SMYD3: variants seen among roughly 807,000 people sequenced by gnomAD.
SMYD3 encodes SET and MYND domain containing 3.
Under a neutral mutation model 57.7 loss-of-function variants are expected in SMYD3, and 36 were observed. That is an observed-to-expected ratio of 0.62 (90% CI 0.48 to 0.82). The LOEUF is 0.82. Among genes scored for constraint, SMYD3 ranks in the 40% least tolerant of loss-of-function variants. The probability of loss-of-function intolerance (pLI) is 0.00; values close to 1 mark genes in which losing one functional copy is unlikely to be tolerated. For synonymous variants in SMYD3, 211 were observed against 195.0 expected, an observed-to-expected ratio of 1.08 and a Z score of -0.68; for missense variants, 515 against 538.8, an observed-to-expected ratio of 0.96 and a Z score of 0.44.
intron 1 of SMYD3, among the ~76,000 whole-genome samples, chr1:246,400,839 C>A (rs1319283532): frequency 3.3e-5 from 5 of 151,816 alleles, no homozygotes; most frequent in East Asian, 3.9e-4. Flanking sequence ...AAAAAAAAAA[C>A]CACTATGAAT....
At chr1:246,201,351 C>T (rs12089534) in intron 5 of SMYD3, among the ~76,000 whole-genome samples, 19,406 of 152,134 alleles carry the variant, frequency 0.13, 3,214 homozygotes, top group African/African-American at 0.38. Context: ...AGCGCAAGCC[C>T]AGCACTTTTC....
chr1:246,043,489 A>G (rs1257367572), intron 5 of SMYD3, among the ~76,000 whole-genome samples: 1 of 152,248 alleles, frequency 6.6e-6, no homozygotes, highest in Non-Finnish European at 1.5e-5. Context: ...TTTTAAGATG[A>G]GGAATGGCTG....
intron 1 of SMYD3, among the ~76,000 whole-genome samples, chr1:246,375,068 G>A (rs944539814): frequency 6.6e-6 from 1 of 152,014 alleles, no homozygotes; most frequent in African/African-American, 2.4e-5. Flanking sequence ...ACTCCAGCCT[G>A]GGCAACAGAG....
chr1:245,941,698 T>C (rs6676642), intron 5 of SMYD3, among the ~76,000 whole-genome samples: 81,768 of 151,546 alleles, frequency 0.54, 27,191 homozygotes, highest in Non-Finnish European at 0.76. Flanking sequence ...TTTTTTTGTA[T>C]TTTTAGTAGA....
chr1:246,306,315 C>G (rs918833181), intron 5 of SMYD3, among the ~76,000 whole-genome samples: 1 of 152,008 alleles, frequency 6.6e-6, no homozygotes, highest in Admixed American at 6.6e-5. Flanking sequence ...CCACTGCACT[C>G]CAGCATGGGT....
At chr1:246,386,335 A>G (rs1024605420) in intron 1 of SMYD3, among the ~76,000 whole-genome samples, 1 of 152,200 alleles carries the variant, frequency 6.6e-6, no homozygotes, top group African/African-American at 2.4e-5. Context: ...AACTTGCTAT[A>G]GAGATTGTGT....
At chr1:246,092,390 G>A (rs2060838578) in intron 5 of SMYD3, among the ~76,000 whole-genome samples, 1 of 152,136 alleles carries the variant, frequency 6.6e-6, no homozygotes, top group African/African-American at 2.4e-5. Context: ...ATTAAAAAAT[G>A]TCACGCTTCT....
chr1:246,013,327 G>T (rs4654078), intron 5 of SMYD3, among the ~76,000 whole-genome samples: 3 of 151,836 alleles, frequency 2.0e-5, no homozygotes, highest in African/African-American at 4.8e-5. Flanking sequence ...TTACAGGCAC[G>T]TGCCACCATG....
intron 2 of SMYD3, among the ~76,000 whole-genome samples, chr1:246,345,338 C>T (rs2065695813): frequency 6.6e-6 from 1 of 152,070 alleles, no homozygotes; most frequent in Non-Finnish European, 1.5e-5. Flanking sequence ...ATTATGTTGG[C>T]ACCTTTGTTG....
At chr1:246,389,924 G>A (rs1295728786) in intron 1 of SMYD3, among the ~76,000 whole-genome samples, 5 of 152,126 alleles carry the variant, frequency 3.3e-5, no homozygotes, top group Admixed American at 6.5e-5. Context: ...CTCAGCTGCC[G>A]TGGTGAAAAC....
At chr1:246,378,328 G>T (rs962103350) in intron 1 of SMYD3, among the ~76,000 whole-genome samples, 8 of 152,040 alleles carry the variant, frequency 5.3e-5, no homozygotes, top group African/African-American at 1.9e-4. Context: ...TGTCTGTGAG[G>T]GTGTTGCCAA....
At chr1:245,863,013 G>A (rs545770664) in intron 9 of SMYD3, among the ~76,000 whole-genome samples, 16 of 152,194 alleles carry the variant, frequency 1.1e-4, no homozygotes, top group Middle Eastern at 6.8e-3. Context: ...AAATAGCATC[G>A]TCAGCAAATT....
At chr1:246,105,360 T>C (rs1321464859) in intron 5 of SMYD3, among the ~76,000 whole-genome samples, 2 of 136,718 alleles carry the variant, frequency 1.5e-5, no homozygotes, top group Non-Finnish European at 3.0e-5. Flanking sequence ...ATTAGGGTCA[T>C]GTTTTATTTC....
intron 8 of SMYD3, among the ~76,000 whole-genome samples, chr1:245,879,210 C>T (rs191734147): frequency 7.2e-5 from 11 of 152,330 alleles, no homozygotes; most frequent in Admixed American, 5.9e-4. Context: ...ACAAGGTTCA[C>T]GTTCTAGAAC....
chr1:246,495,300 G>C (rs369389280), intron 1 of SMYD3, among the ~76,000 whole-genome samples: 2 of 126,142 alleles, frequency 1.6e-5, no homozygotes, highest in Non-Finnish European at 3.1e-5. Flanking sequence ...TGTGAGCCGA[G>C]ATCATGCCAC....
intron 5 of SMYD3, among the ~76,000 whole-genome samples, chr1:245,937,552 G>A (rs1179609496): frequency 6.6e-6 from 1 of 152,182 alleles, no homozygotes; most frequent in East Asian, 1.9e-4. Flanking sequence ...ATAAAGCTCT[G>A]ACACATCATT....
At chr1:245,855,285 G>A (rs1242790890) in intron 10 of SMYD3, among the ~76,000 whole-genome samples, 1 of 150,828 alleles carries the variant, frequency 6.6e-6, no homozygotes, top group African/African-American at 2.4e-5. Context: ...TTAAAACAAT[G>A]TGCTCAATTT....
Position 246,385,310 on chromosome 1 carries a change from G to A in SMYD3, c.165-30216C>T, listed in dbSNP as rs371005861. Among the ~76,000 whole-genome samples the A allele has an allele frequency of 9.2e-5, 14 of 151,958 alleles. No individual in the cohort carries two copies. In the East Asian group the frequency reaches 1.7e-3, roughly 19 times the overall value. On this transcript the variant is annotated intron_variant, in intron 1 of 11. Transcript: ENST00000490107. Reference sequence around the variant, plus strand: ...TACTAGGAATAAATTGAAATACTTCGGATATGCCCATTTCCTAAGTATACT... The same window carrying A: ...TACTAGGAATAAATTGAAATACTTCAGATATGCCCATTTCCTAAGTATACT...
At chr1:245,839,665 T>A (rs555417211) in intron 10 of SMYD3, among the ~76,000 whole-genome samples, 150 of 152,180 alleles carry the variant, frequency 9.9e-4, no homozygotes, top group South Asian at 7.1e-3. Context: ...CAGTGATTTG[T>A]GTACTTTCAG....
Sources: allele counts gnomAD v4.1 joint callset (sites outside exome capture counted in the v4.1 genomes callset), GRCh38; gene constraint gnomAD v4.1.1; transcripts MANE v1.5; gene names NCBI Gene and HGNC (gene_info 2026-07-23, HGNC 2026-07-21).